Variants in ART3 observed in about 807,000 individuals in gnomAD.
ART3 encodes the protein ecto-ADP-ribosyltransferase 3.
In ART3, 49 loss-of-function variants were observed where a neutral mutation model predicts 48.5. The ratio of observed to expected loss-of-function variants is 1.01; its 90% CI spans 0.80 to 1.28. The LOEUF is 1.28. Ranked by LOEUF, ART3 falls within the 50% of genes most tolerant of loss-of-function variation. The pLI, the probability that ART3 is intolerant of heterozygous loss-of-function variation, is 0.00. For synonymous variants in ART3, 145 were observed against 157.2 expected (o/e 0.92, Z 0.58); for missense variants, 438 against 454.3 (o/e 0.96, Z 0.33).
chr4:76,019,270 T>C (rs1393624007), intron 1 of ART3, among the ~76,000 whole-genome samples: 3 of 151,646 alleles, frequency 2.0e-5, no homozygotes, highest in Admixed American at 6.6e-5. Context: ...GGTGATGGCT[T>C]GTATTGGCTA....
intron 1 of ART3, among the ~76,000 whole-genome samples, chr4:76,048,576 C>T (rs1258052576): frequency 4.6e-5 from 7 of 151,818 alleles, no homozygotes; most frequent in African/African-American, 1.7e-4. Context: ...AATAGTTGCG[C>T]TCACCGATGC....
chr4:76,100,970 A>C lies in ART3; in HGVS notation c.908-20A>C. 6.2e-7 allele frequency: 1 copy of C among 1,612,812 alleles called. No homozygotes were observed. The highest frequency in any genetic ancestry group is 8.5e-7 in the Non-Finnish European group (1 of 1,179,698). On this transcript the variant is annotated intron_variant, in intron 7 of 11. Transcript: ENST00000355810. Reference sequence around the variant, plus strand: ...TTTTGTTCCATTGTTAAAACTGATAAGCTTCTTTTTGTAACTCAGGTGAGA... The same window carrying C: ...TTTTGTTCCATTGTTAAAACTGATACGCTTCTTTTTGTAACTCAGGTGAGA...
chr4:76,102,199 T>C (rs1727488111), intron 8 of ART3, among the ~76,000 whole-genome samples: 1 of 152,360 alleles, frequency 6.6e-6, no homozygotes, highest in Admixed American at 6.5e-5. Context: ...GAAAAATAAC[T>C]GATTAGTTAA....
intron 1 of ART3, among the ~76,000 whole-genome samples, chr4:76,061,943 T>A (rs1021844617): frequency 6.6e-6 from 1 of 152,252 alleles, no homozygotes. Flanking sequence ...CTAGAGTCCC[T>A]TTCCCTAAAG....
intron 1 of ART3, chr4:76,035,404 T>C: frequency 1.3e-6 from 2 of 1,557,162 alleles, no homozygotes; most frequent in Non-Finnish European, 1.8e-6. Context: ...CTGTGGTTTA[T>C]AGCTGGTGGT....
intron 11 of ART3, chr4:76,112,111 AGTT>A (rs1729606767): frequency 2.9e-6 from 1 of 343,162 alleles, no homozygotes; most frequent in Non-Finnish European, 5.2e-6. Context: ...GGCTATTAGT[AGTT>A]AAGTTTTTGG....
chr4:76,051,708 G>A (rs945075182), intron 1 of ART3, among the ~76,000 whole-genome samples: 2 of 152,006 alleles, frequency 1.3e-5, no homozygotes, highest in Non-Finnish European at 1.5e-5. Flanking sequence ...GCCAGCTAAT[G>A]TTTTTGTATT....
At chr4:76,053,248 T>G (rs781712915) in intron 1 of ART3, among the ~76,000 whole-genome samples, 8 of 152,222 alleles carry the variant, frequency 5.3e-5, no homozygotes, top group African/African-American at 7.2e-5. Flanking sequence ...TCTCATTGGC[T>G]TAATTAAATT....
rs757745892 is a variant in ART3 at position 76,082,096 on chromosome 4, G to A, written c.342G>A (p.Leu114=). 1.2e-6 allele frequency: 2 copies of A among 1,614,206 alleles called. No homozygotes were observed. Among genetic ancestry groups the A allele is most frequent in the Middle Eastern group, 1.6e-4 (1 of 6,062 alleles). Residue 114 remains leucine (L), a synonymous_variant, in exon 3 of 12, where the codon CTG becomes CTA. Coordinates refer to ENST00000355810, the MANE Select transcript of ART3 (RefSeq NM_001130016.3). ...EAQEQTPFYH[L]FSEAVKMAGQ... ...AAGAGCAAACTCCCTTTTACCATCT[G>A]TTCAGTGAAGCTGTGAAGATGGCTG... is the stretch of plus-strand genomic sequence containing the variant.
At chr4:76,050,018 T>C (rs1735899197) in intron 1 of ART3, among the ~76,000 whole-genome samples, 1 of 151,550 alleles carries the variant, frequency 6.6e-6, no homozygotes, top group African/African-American at 2.4e-5. Flanking sequence ...GCGGCGCGTC[T>C]GGAGTTGTTC....
chr4:76,065,552 A>AACACACACACACACACACACAC (rs56794781), intron 1 of ART3, among the ~76,000 whole-genome samples: 38 of 145,370 alleles, frequency 2.6e-4, no homozygotes, highest in African/African-American at 9.0e-4. Flanking sequence ...ATAACCCTCC[A>AACACACACACACACACACACAC]ACACACACAC....
intron 1 of ART3, among the ~76,000 whole-genome samples, chr4:76,018,523 C>T (rs891378155): frequency 6.6e-6 from 1 of 152,074 alleles, no homozygotes; most frequent in Non-Finnish European, 1.5e-5. Flanking sequence ...AATCTATACA[C>T]CATACCCCCA....
chr4:76,046,911 A>G (rs529596001), intron 1 of ART3, among the ~76,000 whole-genome samples: 6 of 152,100 alleles, frequency 3.9e-5, no homozygotes, highest in African/African-American at 1.4e-4. Flanking sequence ...AACCCTGAGA[A>G]GGCCGCGCCA....
rs764801519 is a variant in ART3 at position 76,082,461 on chromosome 4, A to G, written c.707A>G (p.Glu236Gly). 6 of 1,613,262 alleles carry G rather than the reference A, an allele frequency of 3.7e-6. No individual in the cohort carries two copies. The highest frequency in any genetic ancestry group is 4.2e-6 in the Non-Finnish European group (5 of 1,179,892). Residue 236 changes from glutamate (E) to glycine (G), a missense_variant, in exon 3 of 12, where the codon GAG becomes GGG. Transcript: ENST00000355810. ...PLNEVFQVSQ[E>G]GAGNNLILQS... ...AATGAGGTTTTTCAAGTGTCACAGG[A>G]GGGGGCTGGCAATAACCTTATCCTT...
chr4:76,105,002 G>C (rs1333109540), intron 10 of ART3, among the ~76,000 whole-genome samples: 1 of 152,220 alleles, frequency 6.6e-6, no homozygotes, highest in African/African-American at 2.4e-5. Context: ...GCTGCGTGCT[G>C]TATAAAGAAA....
At chr4:76,059,298 T>TA (rs1718963781) in intron 1 of ART3, among the ~76,000 whole-genome samples, 2 of 152,104 alleles carry the variant, frequency 1.3e-5, no homozygotes, top group African/African-American at 4.8e-5. Flanking sequence ...TAATAGCAGA[T>TA]ATTTGCTTTG....
At chr4:76,017,653 G>A (rs1429932178) in intron 1 of ART3, among the ~76,000 whole-genome samples, 2 of 152,134 alleles carry the variant, frequency 1.3e-5, no homozygotes, top group African/African-American at 4.8e-5. Flanking sequence ...CACAGCACTA[G>A]GACTGCCTAG....
At chr4:76,038,758 T>C (rs1229482640) in intron 1 of ART3, among the ~76,000 whole-genome samples, 1 of 152,194 alleles carries the variant, frequency 6.6e-6, no homozygotes, top group Non-Finnish European at 1.5e-5. Context: ...ATTCTTGCTC[T>C]GTAGCCCAGG....
At chr4:76,028,193 T>C (rs891583192) in intron 1 of ART3, among the ~76,000 whole-genome samples, 1 of 151,948 alleles carries the variant, frequency 6.6e-6, no homozygotes, top group African/African-American at 2.4e-5. Context: ...ATCAAACTTT[T>C]AGAGACAGTA....
Sources: gnomAD v4.1 joint callset for allele counts (sites outside exome capture counted in the v4.1 genomes callset) on GRCh38, gnomAD v4.1.1 for gene constraint, MANE v1.5 for transcripts, NCBI Gene and HGNC (gene_info 2026-07-23, HGNC 2026-07-21) for gene names.